MAD1L1: variants seen among roughly 807,000 people sequenced by gnomAD.
MAD1L1 encodes mitotic spindle assembly checkpoint protein MAD1.
Under a neutral mutation model 96.9 loss-of-function variants are expected in MAD1L1, and 95 were observed. The observed-to-expected ratio is 0.98, with a 90% CI of 0.83 to 1.16. The LOEUF is 1.16. Ranked by LOEUF, MAD1L1 falls within the 50% of genes most tolerant of loss-of-function variation. The probability of loss-of-function intolerance (pLI) is 0.00; values close to 1 mark genes in which losing one functional copy is unlikely to be tolerated. For missense variants in MAD1L1, 1,007 were observed against 954.4 expected (o/e 1.06, Z -0.73); for synonymous variants, 473 against 396.6 (o/e 1.19, Z -2.29).
intron 18 of MAD1L1, chr7:1,849,071 CACAA>C (rs1783807148): frequency 1.3e-5 from 2 of 150,022 alleles, no homozygotes; most frequent in Non-Finnish European, 3.0e-5. Context: ...CACACACACA[CACAA>C]ATGCACATGC....
At chr7:2,010,975 G>A (rs547831772) in intron 13 of MAD1L1, among the ~76,000 whole-genome samples, 4 of 152,134 alleles carry the variant, frequency 2.6e-5, no homozygotes, top group Non-Finnish European at 4.4e-5. Flanking sequence ...TGCGTGCAGA[G>A]GACAGAAAGA....
At position 1,995,646 on chromosome 7, in the gene MAD1L1, C is replaced by G. The variant is rs558197819; in HGVS notation, c.1416+6419G>C. Among the ~76,000 whole-genome samples, 3 of 152,286 alleles carry G rather than the reference C, an allele frequency of 2.0e-5. No homozygotes were observed. The East Asian group carries it at 5.8e-4, about 29-fold the overall frequency. ...ACTTTGAGCCATTCCCCAGACCTGC[C>G]CCAGACACATCCCTGGCCCCAAAGA... On this transcript the variant is annotated intron_variant, in intron 14 of 18. Coordinates refer to ENST00000265854, the MANE Select transcript of MAD1L1 (RefSeq NM_001013836.2).
chr7:2,212,167 C>T (rs1196677482), intron 10 of MAD1L1, among the ~76,000 whole-genome samples: 2 of 152,010 alleles, frequency 1.3e-5, no homozygotes, highest in African/African-American at 2.4e-5. Context: ...AGCACAGGGT[C>T]CTGGGAAGGA....
chr7:2,007,088 A>T (rs1782065263), intron 13 of MAD1L1, among the ~76,000 whole-genome samples: 1 of 152,078 alleles, frequency 6.6e-6, no homozygotes, highest in Non-Finnish European at 1.5e-5. Context: ...GGAGGCACAG[A>T]TGGGCAGCTG....
chr7:2,117,752 C>T (rs1284217359), intron 11 of MAD1L1, among the ~76,000 whole-genome samples: 1 of 152,270 alleles, frequency 6.6e-6, no homozygotes, highest in Non-Finnish European at 1.5e-5. Flanking sequence ...CACCGAGTCT[C>T]GGGTATGTCT....
At chr7:1,989,350 G>T (rs534764535) in intron 14 of MAD1L1, among the ~76,000 whole-genome samples, 1 of 152,258 alleles carries the variant, frequency 6.6e-6, no homozygotes, top group Non-Finnish European at 1.5e-5. Context: ...CTGGCTAGAG[G>T]TTTATCAATT....
chr7:2,162,606 AC>A (rs1470872885), intron 10 of MAD1L1, among the ~76,000 whole-genome samples: 28 of 151,360 alleles, frequency 1.8e-4, no homozygotes, highest in African/African-American at 6.8e-4. Context: ...AAAAAAACAA[AC>A]AAAAAACCAA....
At chr7:2,183,840 C>T (rs1477422711) in intron 10 of MAD1L1, among the ~76,000 whole-genome samples, 1 of 151,890 alleles carries the variant, frequency 6.6e-6, no homozygotes, top group African/African-American at 2.4e-5. Context: ...CAACATGGCA[C>T]ATGTATACAT....
At chr7:2,186,071 TAAC>T (rs1400282485) in intron 10 of MAD1L1, among the ~76,000 whole-genome samples, 4 of 152,344 alleles carry the variant, frequency 2.6e-5, no homozygotes, top group Admixed American at 6.5e-5. Flanking sequence ...TCGGAAACAC[TAAC>T]AACATCAATG....
intron 12 of MAD1L1, among the ~76,000 whole-genome samples, chr7:2,031,374 G>T (rs1783219307): frequency 6.6e-6 from 1 of 152,204 alleles, no homozygotes; most frequent in African/African-American, 2.4e-5. Context: ...GGCTGTTCTG[G>T]GCTCCCCACC....
intron 18 of MAD1L1, among the ~76,000 whole-genome samples, chr7:1,820,659 C>G (rs1782074517): frequency 6.6e-6 from 1 of 151,944 alleles, no homozygotes; most frequent in African/African-American, 2.4e-5. Flanking sequence ...TGTGGGATCA[C>G]GTGGGCCTAG....
At chr7:1,923,034 G>A (rs1442738793) in intron 17 of MAD1L1, among the ~76,000 whole-genome samples, 1 of 152,204 alleles carries the variant, frequency 6.6e-6, no homozygotes, top group Admixed American at 6.5e-5. Context: ...TTCACAGAGT[G>A]AGTTGGGAAG....
At chr7:1,889,007 G>C (rs1193257487) in intron 18 of MAD1L1, among the ~76,000 whole-genome samples, 1 of 152,252 alleles carries the variant, frequency 6.6e-6, no homozygotes, top group Non-Finnish European at 1.5e-5. Flanking sequence ...TCGGCAGACA[G>C]TGGCAGGGAT....
At chr7:2,072,958 G>A (rs1785207103) in intron 11 of MAD1L1, among the ~76,000 whole-genome samples, 1 of 152,262 alleles carries the variant, frequency 6.6e-6, no homozygotes, top group Non-Finnish European at 1.5e-5. Context: ...CAGGACAGTG[G>A]CTGTCTTGCT....
At chr7:1,909,033 T>G (rs1787849544) in intron 17 of MAD1L1, among the ~76,000 whole-genome samples, 1 of 152,176 alleles carries the variant, frequency 6.6e-6, no homozygotes, top group Non-Finnish European at 1.5e-5. Context: ...CAGAGATGAC[T>G]CTCAGATGCT....
intron 16 of MAD1L1, among the ~76,000 whole-genome samples, chr7:1,956,723 G>A (rs930603040): frequency 5.3e-5 from 8 of 152,202 alleles, no homozygotes; most frequent in Admixed American, 3.3e-4. Context: ...GTGAGCTCCC[G>A]AGCACACGCC....
chr7:2,163,547 G>C (rs1438331010), intron 10 of MAD1L1, among the ~76,000 whole-genome samples: 1 of 152,036 alleles, frequency 6.6e-6, no homozygotes, highest in African/African-American at 2.4e-5. Flanking sequence ...CTAATTTTTT[G>C]TATCTTTAGT....
At chr7:2,149,711 C>G (rs1789477755) in intron 10 of MAD1L1, among the ~76,000 whole-genome samples, 1 of 152,188 alleles carries the variant, frequency 6.6e-6, no homozygotes, top group South Asian at 2.1e-4. Flanking sequence ...AGTGAATGCC[C>G]CAGCAACCCT....
intron 18 of MAD1L1, among the ~76,000 whole-genome samples, chr7:1,882,603 G>T (rs1023820423): frequency 7.9e-5 from 12 of 152,210 alleles, no homozygotes; most frequent in African/African-American, 2.9e-4. Flanking sequence ...ACAGGGTCCT[G>T]CTCACCTCCT....
Sources: allele counts gnomAD v4.1 joint callset (sites outside exome capture counted in the v4.1 genomes callset), GRCh38; gene constraint gnomAD v4.1.1; transcripts MANE v1.5; gene names NCBI Gene and HGNC (gene_info 2026-07-23, HGNC 2026-07-21).